VPS13C: variants seen among roughly 807,000 people sequenced by gnomAD.
VPS13C encodes the protein intermembrane lipid transfer protein VPS13C.
A neutral mutation model predicts 456.8 loss-of-function variants in VPS13C; 358 were observed. The ratio of observed to expected loss-of-function variants is 0.78; its 90% CI spans 0.72 to 0.86. The LOEUF (loss-of-function observed/expected upper bound fraction) is 0.86. VPS13C is among the 40% of genes least tolerant of loss of function. The pLI is 0.00. For synonymous variants in VPS13C, 1,578 were observed against 1,486.7 expected, an observed-to-expected ratio of 1.06 and a Z score of -1.41; for missense variants, 4,818 against 4,385.4, an observed-to-expected ratio of 1.10 and a Z score of -2.79.
intron 37 of VPS13C, among the ~76,000 whole-genome samples, chr15:61,957,127 A>G (rs117135478): frequency 1.3e-5 from 2 of 152,328 alleles, no homozygotes; most frequent in East Asian, 3.9e-4. Flanking sequence ...AATAAAAAGA[A>G]CAAACTACTC....
intron 66 of VPS13C, among the ~76,000 whole-genome samples, chr15:61,900,897 G>A (rs533498105): frequency 1.6e-4 from 25 of 151,516 alleles, no homozygotes; most frequent in African/African-American, 5.1e-4. Context: ...GCATGGTACT[G>A]GTACCAAAAC....
At chr15:61,875,882 A>T in intron 75 of VPS13C, 37 bp from the exon 76 acceptor site, 1 of 1,325,516 alleles carries the variant, frequency 7.5e-7, no homozygotes, top group Non-Finnish European at 1.0e-6. Flanking sequence ...GTCCTTCACA[A>T]CTATTGTAAG....
chr15:61,900,968 T>C (rs2140112508), intron 66 of VPS13C, among the ~76,000 whole-genome samples: 1 of 152,226 alleles, frequency 6.6e-6, no homozygotes, highest in East Asian at 1.9e-4. Context: ...TTTCTACAAC[T>C]ATCTGATCTT....
intron 3 of VPS13C, among the ~76,000 whole-genome samples, chr15:62,037,366 A>AATATATTATATATAAATGT (rs1491256431): frequency 5.7e-5 from 5 of 87,692 alleles, no homozygotes; most frequent in African/African-American, 2.1e-4. Flanking sequence ...AAATGTATAT[A>AATATATTATATATAAATGT]ATATATTATA....
At chr15:61,960,938 A>G (rs1316496648) in intron 35 of VPS13C, among the ~76,000 whole-genome samples, 1 of 151,634 alleles carries the variant, frequency 6.6e-6, no homozygotes, top group Non-Finnish European at 1.5e-5. Flanking sequence ...AAAATTAGCC[A>G]GGCATGATGG....
chr15:62,007,234 T>C lies in VPS13C; in HGVS notation c.1290+74A>G, dbSNP rs1555441493. On this transcript the variant is annotated intron_variant, in intron 15 of 84. Transcript: ENST00000644861. The stretch of plus-strand genomic sequence containing the variant: ...GTTCTTCCTAAAATTATTTTTTGAT[T>C]CAAATTACATGCAGAAGAATATTAA... The C allele has an allele frequency of 6.2e-6, 7 of 1,120,316 alleles. No homozygotes were observed. The East Asian group carries it at 2.0e-4, about 32-fold the overall frequency. 69.4% of individuals were successfully genotyped at this position (1,120,316 alleles called of 1,614,324 possible).
intron 27 of VPS13C, among the ~76,000 whole-genome samples, chr15:61,970,712 T>C (rs532179921): frequency 3.9e-5 from 6 of 152,178 alleles, no homozygotes; most frequent in South Asian, 2.1e-4. Flanking sequence ...TATTCTGTTA[T>C]AGTAACAGAA....
chr15:61,922,822 A>G (rs2043705958), intron 53 of VPS13C, 60 bp from the exon 54 acceptor site: 5 of 1,329,438 alleles, frequency 3.8e-6, no homozygotes, highest in Non-Finnish European at 3.0e-6. Flanking sequence ...GAGAATATAT[A>G]CATACATGAT....
At chr15:61,940,157 T>A (rs1034211632) in intron 47 of VPS13C, among the ~76,000 whole-genome samples, 3 of 152,132 alleles carry the variant, frequency 2.0e-5, no homozygotes, top group East Asian at 1.9e-4. Context: ...CAAAATGATA[T>A]CACCTTTCTA....
chr15:62,043,763 C>A (rs1318855891), intron 2 of VPS13C, among the ~76,000 whole-genome samples: 1 of 152,096 alleles, frequency 6.6e-6, no homozygotes, highest in East Asian at 1.9e-4. Context: ...GTTTTCAACT[C>A]AACAATAAAT....
chr15:61,945,601 C>T, intron 45 of VPS13C, 114 bp downstream of exon 45: 1 of 711,198 alleles, frequency 1.4e-6, no homozygotes, highest in Non-Finnish European at 2.2e-6. Flanking sequence ...CTGTTCAGCA[C>T]TCAGGTGCTC....
At chr15:61,909,350 G>A (rs1211112169) in intron 64 of VPS13C, among the ~76,000 whole-genome samples, 1 of 152,144 alleles carries the variant, frequency 6.6e-6, no homozygotes, top group Non-Finnish European at 1.5e-5. Flanking sequence ...TGGGATTACA[G>A]GCATGTGCCA....
rs1383961325 is a variant in VPS13C at position 61,929,718 on chromosome 15, G to A, written c.6069C>T (p.Asn2023=). The change falls in exon 51 of 85, where the codon AAC becomes AAT. Residue 2023 remains asparagine, a synonymous_variant. Transcript: ENST00000644861. Reference sequence around the variant, plus strand: ...AACTTATATCAATCATAGAACTGTTGTTATCTTGGTCATTCTTTCTGTCAA... The same window carrying A: ...AACTTATATCAATCATAGAACTGTTATTATCTTGGTCATTCTTTCTGTCAA... ...RMIDRKNDQD[N]NSSMIDISYK... The A allele has an allele frequency of 6.2e-7, 1 of 1,612,400 alleles. No homozygotes were observed. Among genetic ancestry groups the A allele is most frequent in the South Asian group, 1.1e-5 (1 of 90,832 alleles).
intron 37 of VPS13C, among the ~76,000 whole-genome samples, chr15:61,955,734 T>C (rs776181056): frequency 1.1e-4 from 16 of 152,142 alleles, no homozygotes; most frequent in Non-Finnish European, 7.4e-5. Flanking sequence ...TTTAAGTTGA[T>C]TGAAATTAAC....
At position 61,876,978 on chromosome 15, in the gene VPS13C, C is replaced by A. The variant is rs751054856; in HGVS notation, c.10219G>T (p.Glu3407Ter). ...LIWSVVRHYS[E>*]QFLKQMYVLV... ...ATACTATGATAGGAAATTACCTGTT[C>A]ACTGTAATGCCTAACAACACTCCAT... The change falls in exon 75 of 85, where the codon GAA becomes TAA. Residue 3407 changes from glutamate to a stop codon, truncating the protein, a stop_gained. Coordinates refer to ENST00000644861, the MANE Select transcript of VPS13C (RefSeq NM_020821.3). LOFTEE classifies it high-confidence loss of function. 10 of 1,599,020 alleles carry A rather than the reference C, an allele frequency of 6.3e-6. No individual in the cohort carries two copies. In the Admixed American group the frequency reaches 1.7e-4, roughly 28 times the overall value.
At chr15:61,883,217 T>TG (rs71431415) in intron 68 of VPS13C, among the ~76,000 whole-genome samples, 2 of 150,746 alleles carry the variant, frequency 1.3e-5, no homozygotes, top group Admixed American at 6.6e-5. Context: ...TTTTTTTTTT[T>TG]GTAGAGACAA....
chr15:62,016,526 GT>G lies in VPS13C; in HGVS notation c.685-2535del, dbSNP rs909151953. On this transcript the variant is annotated intron_variant, in intron 9 of 84. Transcript: ENST00000644861. ...TATGAGTGAGAACATGCAGTGTTTG[GT>G]TTTTTGTCCTTGCAATAGTTTGCTG... 2.8e-4 allele frequency among the ~76,000 whole-genome samples: 42 copies of G among 150,250 alleles called. No homozygotes were observed. In the South Asian group the frequency reaches 8.4e-3, roughly 30 times the overall value.
intron 1 of VPS13C, among the ~76,000 whole-genome samples, chr15:62,048,632 C>G (rs903897197): frequency 6.6e-5 from 10 of 152,198 alleles, no homozygotes; most frequent in South Asian, 6.2e-4. Flanking sequence ...AATGGGATGG[C>G]TGGGTCAAAT....
At chr15:61,998,156 T>C (rs1248589008) in intron 16 of VPS13C, among the ~76,000 whole-genome samples, 1 of 152,170 alleles carries the variant, frequency 6.6e-6, no homozygotes, top group Non-Finnish European at 1.5e-5. Flanking sequence ...TACACTTTAT[T>C]ATTTCTGCCT....
Sources: gnomAD v4.1 joint callset for allele counts (sites outside exome capture counted in the v4.1 genomes callset) on GRCh38, gnomAD v4.1.1 for gene constraint, MANE v1.5 for transcripts, NCBI Gene and HGNC (gene_info 2026-07-23, HGNC 2026-07-21) for gene names.